Variants in CNOT4 observed in about 807,000 individuals in gnomAD.
The protein encoded by CNOT4 is CCR4-associated factor 4.
In CNOT4, 8 loss-of-function variants were observed where a neutral mutation model predicts 73.8. The ratio of observed to expected loss-of-function variants is 0.11; its 90% confidence interval spans 0.06 to 0.20. The LOEUF is 0.20. Ranked by LOEUF, CNOT4 falls within the 10% of genes least tolerant of loss-of-function variation. The pLI, the probability that CNOT4 is intolerant of heterozygous loss-of-function variation, is 1.00. For missense variants in CNOT4, 564 were observed against 883.4 expected, an observed-to-expected ratio of 0.64 and a Z score of 4.58; for synonymous variants, 293 against 321.1, an observed-to-expected ratio of 0.91 and a Z score of 0.94.
chr7:135,491,601 T>C (rs1803114568), intron 1 of CNOT4, among the ~76,000 whole-genome samples: 2 of 152,230 alleles, frequency 1.3e-5, no homozygotes, highest in South Asian at 4.1e-4. Flanking sequence ...GGGCAAAGCC[T>C]GATTAGAACA....
At chr7:135,397,379 C>T (rs1796752125) in intron 8 of CNOT4, among the ~76,000 whole-genome samples, 1 of 151,932 alleles carries the variant, frequency 6.6e-6, no homozygotes, top group Non-Finnish European at 1.5e-5. Flanking sequence ...CTACTTTTAA[C>T]CTGTAAAAAA....
chr7:135,459,280 G>A (rs1228367617), intron 1 of CNOT4, among the ~76,000 whole-genome samples: 1 of 150,564 alleles, frequency 6.6e-6, no homozygotes. Context: ...CAGATAGGCT[G>A]TCAGCCAGGC....
At chr7:135,440,562 T>C (rs1381546052) in intron 1 of CNOT4, among the ~76,000 whole-genome samples, 1 of 152,176 alleles carries the variant, frequency 6.6e-6, no homozygotes, top group Non-Finnish European at 1.5e-5. Flanking sequence ...ACTAAGAACC[T>C]ATTCTACATA....
chr7:135,443,275 A>T (rs1799603192), intron 1 of CNOT4, among the ~76,000 whole-genome samples: 1 of 151,186 alleles, frequency 6.6e-6, no homozygotes, highest in Non-Finnish European at 1.5e-5. Context: ...AGATTGCTGG[A>T]GTCCAGGAAG....
chr7:135,477,741 C>A (rs1304403456), intron 1 of CNOT4, among the ~76,000 whole-genome samples: 1 of 152,168 alleles, frequency 6.6e-6, no homozygotes, highest in Non-Finnish European at 1.5e-5. Flanking sequence ...AACACACGCA[C>A]TTGAACATAT....
intron 1 of CNOT4, among the ~76,000 whole-genome samples, chr7:135,454,622 C>G (rs1333635715): frequency 6.6e-6 from 1 of 151,444 alleles, no homozygotes; most frequent in Non-Finnish European, 1.5e-5. Flanking sequence ...TGCAGTGAGC[C>G]AAGAGTAAAA....
At chr7:135,484,101 A>G (rs894019193) in intron 1 of CNOT4, among the ~76,000 whole-genome samples, 2 of 152,194 alleles carry the variant, frequency 1.3e-5, no homozygotes, top group African/African-American at 2.4e-5. Flanking sequence ...AGGCTGAGGC[A>G]GAAGAATCAC....
At chr7:135,487,710 A>C (rs1802823743) in intron 1 of CNOT4, among the ~76,000 whole-genome samples, 1 of 152,200 alleles carries the variant, frequency 6.6e-6, no homozygotes, top group Non-Finnish European at 1.5e-5. Flanking sequence ...TGCTTTTTAA[A>C]AAAAAATCAG....
At chr7:135,416,157 A>G (rs1163998243) in intron 3 of CNOT4, among the ~76,000 whole-genome samples, 2 of 152,190 alleles carry the variant, frequency 1.3e-5, no homozygotes, top group African/African-American at 4.8e-5. Flanking sequence ...AGCTCTCTGC[A>G]AATGAAAGCT....
chr7:135,504,707 C>T (rs1364092019), intron 1 of CNOT4, among the ~76,000 whole-genome samples: 2 of 121,474 alleles, frequency 1.6e-5, no homozygotes, highest in Non-Finnish European at 3.5e-5. Flanking sequence ...GGGATGGTCT[C>T]GATCTCCTGA....
At chr7:135,451,609 A>G (rs1358757116) in intron 1 of CNOT4, among the ~76,000 whole-genome samples, 1 of 152,158 alleles carries the variant, frequency 6.6e-6, no homozygotes, top group African/African-American at 2.4e-5. Context: ...TTTTACACTA[A>G]AAAAGAAATC....
chr7:135,471,780 T>C (rs1273853887), intron 1 of CNOT4, among the ~76,000 whole-genome samples: 1 of 152,206 alleles, frequency 6.6e-6, no homozygotes, highest in Admixed American at 6.5e-5. Flanking sequence ...ACGTAAATCT[T>C]GGCACTCCGC....
At chr7:135,416,182 A>G (rs1797862791) in intron 3 of CNOT4, among the ~76,000 whole-genome samples, 2 of 152,110 alleles carry the variant, frequency 1.3e-5, no homozygotes, top group Admixed American at 1.3e-4. Flanking sequence ...GCATGTAACT[A>G]TTCAAGTGTG....
intron 1 of CNOT4, among the ~76,000 whole-genome samples, chr7:135,494,307 T>C (rs1189087784): frequency 6.6e-6 from 1 of 151,580 alleles, no homozygotes; most frequent in Admixed American, 6.6e-5. Context: ...CCGTCTCTAC[T>C]AAAAATACAA....
At position 135,399,494 on chromosome 7, in the gene CNOT4, C is replaced by A. The variant is rs143228634; in HGVS notation, c.822-1268G>T. On this transcript the variant is annotated intron_variant, in intron 7 of 11. Transcript: ENST00000541284. ...TATATGTGGTCCAGCCATTGTTGAC[C>A]AAAACAAAACATTGATATGTGGTAC... 1.4e-3 allele frequency among the ~76,000 whole-genome samples: 207 copies of A among 151,932 alleles called. 1 individual carries two copies. The highest frequency in any genetic ancestry group is 2.4e-3 in the Admixed American group (36 of 15,280).
intron 2 of CNOT4, among the ~76,000 whole-genome samples, chr7:135,426,617 AAG>A (rs1162703592): frequency 1.1e-4 from 16 of 150,850 alleles, no homozygotes; most frequent in African/African-American, 3.9e-4. Context: ...AAAAAAAAAA[AAG>A]AAAGAAAGAA....
At chr7:135,400,612 C>T (rs1796956911) in intron 7 of CNOT4, among the ~76,000 whole-genome samples, 1 of 152,158 alleles carries the variant, frequency 6.6e-6, no homozygotes, top group African/African-American at 2.4e-5. Flanking sequence ...AAAAACAAAT[C>T]TTAAGGATGT....
chr7:135,387,926 A>C (rs1197717433), intron 10 of CNOT4: 4 of 961,258 alleles, frequency 4.2e-6, no homozygotes, highest in Non-Finnish European at 4.9e-6. Flanking sequence ...TTATTATCAC[A>C]TTTTAATTAT....
chr7:135,373,241 A>G (rs1275548644), intron 10 of CNOT4, among the ~76,000 whole-genome samples: 1 of 152,240 alleles, frequency 6.6e-6, no homozygotes, highest in African/African-American at 2.4e-5. Flanking sequence ...TATCAGGAAA[A>G]GCCACTGCTC....
Sources: gnomAD v4.1 joint callset for allele counts (sites outside exome capture counted in the v4.1 genomes callset) on GRCh38, gnomAD v4.1.1 for gene constraint, MANE v1.5 for transcripts, NCBI Gene and HGNC (gene_info 2026-07-23, HGNC 2026-07-21) for gene names.